Variants in ERC2 observed in about 807,000 individuals in gnomAD.
The protein encoded by ERC2 is ERC protein 2.
A neutral mutation model predicts 114.8 loss-of-function variants in ERC2; 42 were observed. That is an observed-to-expected ratio of 0.37 (90% confidence interval 0.29 to 0.47). The LOEUF is 0.47. Among genes scored for constraint, ERC2 ranks in the 20% least tolerant of loss-of-function variants. ERC2 has a pLI of 0.99. For missense variants in ERC2, 939 were observed against 1,150.7 expected (o/e 0.82, Z 2.66); for synonymous variants, 454 against 425.5 (o/e 1.07, Z -0.82).
intron 3 of ERC2, among the ~76,000 whole-genome samples, chr3:56,209,173 T>C (rs1050126946): frequency 2.6e-5 from 4 of 152,120 alleles, no homozygotes; most frequent in African/African-American, 9.7e-5. Context: ...TAGTTTCAGA[T>C]CACTGCTGAT....
At chr3:56,073,692 G>A (rs1576814514) in intron 7 of ERC2, among the ~76,000 whole-genome samples, 1 of 152,282 alleles carries the variant, frequency 6.6e-6, no homozygotes, top group South Asian at 2.1e-4. Context: ...CAAGGAATGA[G>A]GGATCTCCCA....
chr3:56,286,414 CAAAAA>C (rs778645110), intron 3 of ERC2, among the ~76,000 whole-genome samples: 4 of 30,316 alleles, frequency 1.3e-4, no homozygotes, highest in Admixed American at 4.1e-4. Context: ...AACTCCATCT[CAAAAA>C]AAAAAAAAAA....
At chr3:55,754,261 C>G (rs1383260699) in intron 14 of ERC2, among the ~76,000 whole-genome samples, 1 of 151,872 alleles carries the variant, frequency 6.6e-6, no homozygotes, top group Non-Finnish European at 1.5e-5. Context: ...TCTACAGATT[C>G]AATACATTTC....
intron 1 of ERC2, among the ~76,000 whole-genome samples, chr3:56,461,514 G>T (rs2063318101): frequency 6.6e-6 from 1 of 152,160 alleles, no homozygotes; most frequent in South Asian, 2.1e-4. Flanking sequence ...TTCTAGCATG[G>T]AAGTGATGCA....
chr3:55,964,407 G>C (rs772481513), intron 12 of ERC2, among the ~76,000 whole-genome samples: 3 of 150,942 alleles, frequency 2.0e-5, no homozygotes, highest in Admixed American at 6.6e-5. Context: ...CCACAAAAGA[G>C]AATGGAACAT....
chr3:55,686,442 T>C (rs1363035252), intron 16 of ERC2, among the ~76,000 whole-genome samples: 3 of 152,212 alleles, frequency 2.0e-5, no homozygotes, highest in African/African-American at 7.2e-5. Context: ...CATCGCCAAA[T>C]GATCTGGGTC....
At chr3:55,512,273 TG>T (rs2052136808) in intron 17 of ERC2, among the ~76,000 whole-genome samples, 1 of 152,234 alleles carries the variant, frequency 6.6e-6, no homozygotes, top group African/African-American at 2.4e-5. Context: ...GGATGAACTC[TG>T]CTAATTCATA....
intron 3 of ERC2, among the ~76,000 whole-genome samples, chr3:56,293,410 T>C (rs2055218897): frequency 6.6e-6 from 1 of 152,078 alleles, no homozygotes; most frequent in Non-Finnish European, 1.5e-5. Flanking sequence ...TCCCTAAGAG[T>C]AGCATCTTCC....
chr3:56,195,830 A>C (rs1332807861), intron 3 of ERC2, among the ~76,000 whole-genome samples: 1 of 151,918 alleles, frequency 6.6e-6, no homozygotes, highest in Non-Finnish European at 1.5e-5. Context: ...CTGTCTCTAA[A>C]ATAAGAAAAA....
At chr3:56,019,093 GA>G (rs1384303220) in intron 7 of ERC2, 62 bp from the exon 8 acceptor site, 4 of 1,257,088 alleles carry the variant, frequency 3.2e-6, no homozygotes, top group Non-Finnish European at 4.4e-6. Context: ...CAAAATTCCT[GA>G]AGTGGATCTA....
At chr3:56,428,699 T>C (rs1183435678) in intron 2 of ERC2, among the ~76,000 whole-genome samples, 1 of 152,254 alleles carries the variant, frequency 6.6e-6, no homozygotes, top group Admixed American at 6.5e-5. Context: ...AAATCCTATG[T>C]TGAAACTGGA....
At chr3:56,165,855 G>A (rs1359203877) in intron 4 of ERC2, among the ~76,000 whole-genome samples, 4 of 151,590 alleles carry the variant, frequency 2.6e-5, no homozygotes, top group East Asian at 1.9e-4. Flanking sequence ...CTACAGACTC[G>A]ATTATGGTAC....
intron 12 of ERC2, among the ~76,000 whole-genome samples, chr3:55,974,882 C>A (rs903162662): frequency 8.5e-5 from 13 of 152,306 alleles, no homozygotes; most frequent in Admixed American, 2.6e-4. Flanking sequence ...AGGTTTTCAT[C>A]AACGCCTGGA....
rs1324094856 is a variant in ERC2, at chr3:56,261,818, C to T, written c.1074+34201G>A. Among the ~76,000 whole-genome samples, 8 of 152,126 alleles carry T rather than the reference C, an allele frequency of 5.3e-5. No homozygotes were observed. In the East Asian group the frequency reaches 5.8e-4, roughly 11 times the overall value. On this transcript the variant is annotated intron_variant, in intron 3 of 17. Coordinates refer to ENST00000288221, the MANE Select transcript of ERC2 (RefSeq NM_015576.3). Reference sequence around the variant, plus strand: ...AGATTATTTCATTACTGAGGTATTACGTCTAGTATCCATTATTTATTTTTC... The same window carrying T: ...AGATTATTTCATTACTGAGGTATTATGTCTAGTATCCATTATTTATTTTTC...
intron 16 of ERC2, among the ~76,000 whole-genome samples, chr3:55,687,292 A>G (rs976595388): frequency 1.3e-5 from 2 of 152,184 alleles, no homozygotes; most frequent in African/African-American, 4.8e-5. Context: ...GACATGATAA[A>G]TGAATGGCCC....
Position 56,208,496 on chromosome 3 carries a change from C to A in ERC2, c.1075-34976G>T, listed in dbSNP as rs2048870196. The stretch of plus-strand genomic sequence containing the variant: ...CTCAAATTGTAGTTTTAAAGCACTG[C>A]TTTGCCCTATCTTATTAATTTACAG... On this transcript the variant is annotated intron_variant, in intron 3 of 17. Transcript: ENST00000288221. Among the ~76,000 whole-genome samples the A allele has an allele frequency of 2.6e-5, 4 of 152,186 alleles. No individual in the cohort carries two copies. The South Asian group carries it at 6.2e-4, about 24-fold the overall frequency.
At chr3:55,676,569 A>G (rs1390942205) in intron 17 of ERC2, among the ~76,000 whole-genome samples, 4 of 151,642 alleles carry the variant, frequency 2.6e-5, no homozygotes, top group Admixed American at 6.6e-5. Flanking sequence ...GACTTCTCCA[A>G]GATTTGTTAT....
chr3:56,190,701 G>C (rs1370450521), intron 3 of ERC2, among the ~76,000 whole-genome samples: 1 of 151,956 alleles, frequency 6.6e-6, no homozygotes, highest in African/African-American at 2.4e-5. Flanking sequence ...AGTGTCCCAA[G>C]AGGCTGGGAC....
chr3:56,423,003 T>G (rs1265322640), intron 2 of ERC2, among the ~76,000 whole-genome samples: 2 of 152,250 alleles, frequency 1.3e-5, no homozygotes, highest in African/African-American at 4.8e-5. Context: ...AAAATAGGTT[T>G]ATTTCCTTTA....
Sources: allele counts gnomAD v4.1 joint callset (sites outside exome capture counted in the v4.1 genomes callset), GRCh38; gene constraint gnomAD v4.1.1; transcripts MANE v1.5; gene names NCBI Gene and HGNC (gene_info 2026-07-23, HGNC 2026-07-21).